The following PIK3C2G variants were observed in gnomAD, a reference collection of about 807,000 sequenced individuals.
The protein encoded by PIK3C2G is phosphatidylinositol 3-kinase C2 domain-containing subunit gamma.
In PIK3C2G, 168 loss-of-function variants were observed where a neutral mutation model predicts 181.1. That is an observed-to-expected ratio of 0.93 (90% CI 0.82 to 1.05). The LOEUF (loss-of-function observed/expected upper bound fraction) is 1.05. Among genes scored for constraint, PIK3C2G ranks in the 50% least tolerant of loss-of-function variants. The probability of loss-of-function intolerance (pLI) is 0.00; values close to 1 mark genes in which losing one functional copy is unlikely to be tolerated. For missense variants in PIK3C2G, 1,869 were observed against 1,732.8 expected, an observed-to-expected ratio of 1.08 and a Z score of -1.40; for synonymous variants, 573 against 592.2, an observed-to-expected ratio of 0.97 and a Z score of 0.47.
At chr12:18,358,700 C>T (rs1592054650) in intron 11 of PIK3C2G, 1 of 475,410 alleles carries the variant, frequency 2.1e-6, no homozygotes, top group Non-Finnish European at 4.2e-6. Context: ...CTTCCAGGAA[C>T]CAAAGAAAGA....
intron 7 of PIK3C2G, among the ~76,000 whole-genome samples, chr12:18,322,090 A>G (rs957756891): frequency 2.0e-5 from 3 of 152,208 alleles, no homozygotes; most frequent in Admixed American, 6.5e-5. Flanking sequence ...AGAACTTAAA[A>G]TAAAATAAAA....
intron 18 of PIK3C2G, among the ~76,000 whole-genome samples, chr12:18,437,891 A>C (rs1014274597): frequency 6.6e-6 from 1 of 151,912 alleles, no homozygotes; most frequent in Non-Finnish European, 1.5e-5. Context: ...CGTATTGAGG[A>C]AAGAGAGTTT....
At chr12:18,616,598 C>G (rs1182159267) in intron 31 of PIK3C2G, among the ~76,000 whole-genome samples, 1 of 152,056 alleles carries the variant, frequency 6.6e-6, no homozygotes, top group Non-Finnish European at 1.5e-5. Context: ...GATGACATAG[C>G]CATCAATGGA....
At chr12:18,354,643 C>T (rs1362833329) in intron 11 of PIK3C2G, among the ~76,000 whole-genome samples, 4 of 152,144 alleles carry the variant, frequency 2.6e-5, no homozygotes, top group African/African-American at 9.7e-5. Flanking sequence ...TGAGGCCAAG[C>T]CAGTCCTCAT....
At chr12:18,664,003 A>G in the PIK3C2G span, among the ~76,000 whole-genome samples, 1 of 152,190 alleles carries the variant, frequency 6.6e-6, no homozygotes, top group Non-Finnish European at 1.5e-5. Context: ...AAACATGCTC[A>G]ACATCACTAA....
chr12:18,536,678 A>T (rs537688973), intron 24 of PIK3C2G, among the ~76,000 whole-genome samples: 62 of 152,234 alleles, frequency 4.1e-4, no homozygotes, highest in Admixed American at 6.5e-4. Flanking sequence ...GGATTGAGAC[A>T]TAGCAGGTCC....
chr12:18,647,880 T>G lies in PIK3C2G; in HGVS notation c.4313T>G (p.Val1438Gly), dbSNP rs1225346057. Residue 1438 changes from valine (V) to glycine (G), a missense_variant, in exon 33 of 33, where the codon GTA (valine) becomes GGA (glycine). By Grantham distance (109) the Val-to-Gly change is moderately radical. Transcript: ENST00000538779. ...CTDPTYNEIV[V>G]YDEVTELQGH... ...CATTATTTTCTCCGTTTTTAGGTAG[T>G]ATATGATGAAGTCACAGAGCTCCAA... 6.5e-7 allele frequency: 1 copy of G among 1,539,780 alleles called. No individual in the cohort carries two copies. The highest frequency in any genetic ancestry group is 8.8e-7 in the Non-Finnish European group (1 of 1,137,018).
At chr12:18,656,930 C>G in the PIK3C2G span, among the ~76,000 whole-genome samples, 2 of 152,118 alleles carry the variant, frequency 1.3e-5, no homozygotes, top group Admixed American at 1.3e-4. Context: ...ATCTCCTGCT[C>G]CCAGCTCAAC....
chr12:18,251,963 T>C (rs950540326), intron 1 of PIK3C2G, among the ~76,000 whole-genome samples: 5 of 152,124 alleles, frequency 3.3e-5, no homozygotes, highest in African/African-American at 1.2e-4. Flanking sequence ...TTTAAATGTG[T>C]AAATGACACT....
At chr12:18,405,451 G>T in intron 16 of PIK3C2G, among the ~76,000 whole-genome samples, 1 of 150,656 alleles carries the variant, frequency 6.6e-6, no homozygotes, top group East Asian at 1.9e-4. Flanking sequence ...ATGGAGTCTT[G>T]CTCTGTCTCC....
chr12:18,570,586 A>G (rs1565519281), intron 29 of PIK3C2G, among the ~76,000 whole-genome samples: 1 of 150,252 alleles, frequency 6.7e-6, no homozygotes, highest in Non-Finnish European at 1.5e-5. Context: ...GGACCTGTGG[A>G]CCAAAGCCTT....
chr12:18,596,927 T>A (rs1351860496), intron 30 of PIK3C2G, among the ~76,000 whole-genome samples: 2 of 152,130 alleles, frequency 1.3e-5, no homozygotes, highest in Admixed American at 6.6e-5. Flanking sequence ...AATATTTGTG[T>A]TAAGTTGTTT....
At chr12:18,431,479 A>T (rs1484744482) in intron 18 of PIK3C2G, among the ~76,000 whole-genome samples, 1 of 152,210 alleles carries the variant, frequency 6.6e-6, no homozygotes, top group African/African-American at 2.4e-5. Context: ...GCAAGGCCAG[A>T]CATCCAGTGA....
At chr12:18,627,070 T>C (rs1188460463) in intron 31 of PIK3C2G, among the ~76,000 whole-genome samples, 1 of 152,088 alleles carries the variant, frequency 6.6e-6, no homozygotes, top group East Asian at 1.9e-4. Context: ...CTTCCATTTT[T>C]TTTTTCTTTT....
intron 11 of PIK3C2G, among the ~76,000 whole-genome samples, chr12:18,352,745 G>A (rs1362828583): frequency 1.3e-5 from 2 of 152,196 alleles, no homozygotes; most frequent in African/African-American, 2.4e-5. Context: ...AGGGGATGGA[G>A]TGGGGAGGTA....
intron 22 of PIK3C2G, among the ~76,000 whole-genome samples, chr12:18,498,733 G>A (rs140670063): frequency 6.6e-4 from 101 of 152,142 alleles, no homozygotes; most frequent in South Asian, 5.8e-3. Context: ...AAATTCACTC[G>A]CCACTTAATA....
intron 30 of PIK3C2G, among the ~76,000 whole-genome samples, chr12:18,605,929 T>C (rs1361030458): frequency 1.3e-5 from 2 of 152,164 alleles, no homozygotes; most frequent in Admixed American, 1.3e-4. Flanking sequence ...GTGCCTGAGT[T>C]TCCTCATGTG....
chr12:18,657,380 A>T, the PIK3C2G span, among the ~76,000 whole-genome samples: 1 of 152,286 alleles, frequency 6.6e-6, no homozygotes, highest in African/African-American at 2.4e-5. Flanking sequence ...GAAGATCCAG[A>T]GCTCTTGTCA....
intron 16 of PIK3C2G, among the ~76,000 whole-genome samples, chr12:18,409,467 A>G (rs1049666838): frequency 6.6e-5 from 10 of 152,138 alleles, no homozygotes; most frequent in African/African-American, 1.9e-4. Context: ...TGATGGATGC[A>G]GCAAACCACC....
Sources: allele counts gnomAD v4.1 joint callset (sites outside exome capture counted in the v4.1 genomes callset), GRCh38; gene constraint gnomAD v4.1.1; transcripts MANE v1.5; gene names NCBI Gene and HGNC (gene_info 2026-07-23, HGNC 2026-07-21).